The following TRPC4AP variants were observed in gnomAD, a reference collection of about 807,000 sequenced individuals.
TRPC4AP encodes transient receptor potential cation channel subfamily C member 4 associated protein, also known as short transient receptor potential channel 4-associated protein.
A neutral mutation model predicts 99.0 loss-of-function variants in TRPC4AP; 45 were observed. The observed-to-expected ratio is 0.45, with a 90% CI of 0.36 to 0.58. The LOEUF (loss-of-function observed/expected upper bound fraction) is 0.58. Among genes scored for constraint, TRPC4AP ranks in the 20% least tolerant of loss-of-function variants. The probability of loss-of-function intolerance (pLI) is 0.00; values close to 1 mark genes in which losing one functional copy is unlikely to be tolerated. For synonymous variants in TRPC4AP, 408 were observed against 385.8 expected, an observed-to-expected ratio of 1.06 and a Z score of -0.67; for missense variants, 879 against 985.3, an observed-to-expected ratio of 0.89 and a Z score of 1.44.
intron 7 of TRPC4AP, among the ~76,000 whole-genome samples, chr20:35,035,850 G>C (rs1448245145): frequency 6.6e-6 from 1 of 151,942 alleles, no homozygotes; most frequent in Admixed American, 6.6e-5. Context: ...TAAACAATAT[G>C]AATTTAATTT....
intron 8 of TRPC4AP, among the ~76,000 whole-genome samples, chr20:35,022,715 A>G (rs1371299265): frequency 6.6e-6 from 1 of 152,202 alleles, no homozygotes; most frequent in Non-Finnish European, 1.5e-5. Flanking sequence ...TAAAGTATCA[A>G]GACAGAAGAC....
intron 9 of TRPC4AP, among the ~76,000 whole-genome samples, chr20:35,019,354 C>G (rs938141146): frequency 6.6e-6 from 1 of 152,206 alleles, no homozygotes; most frequent in Admixed American, 6.5e-5. Context: ...CAGTTTAACT[C>G]AAGACCGCAA....
intron 1 of TRPC4AP, among the ~76,000 whole-genome samples, chr20:35,078,628 AT>A (rs1219611928): frequency 1.3e-5 from 2 of 152,224 alleles, no homozygotes; most frequent in African/African-American, 4.8e-5. Context: ...ATCCAACTAT[AT>A]CAATAATCAC....
chr20:35,003,109 A>AGTGGGTGAGCCTCCCGAGG lies in TRPC4AP; in HGVS notation c.*36_*37insCCTCGGGAGGCTCACCCAC, dbSNP rs1436472127. On this transcript the variant is annotated 3_prime_UTR_variant, in exon 19 of 19. Coordinates refer to ENST00000252015, the MANE Select transcript of TRPC4AP (RefSeq NM_015638.3). ...TGTGGCATCGTACCCACGCTCACCC[A>AGTGGGTGAGCCTCCCGAGG]CACTGGCCCAGCAGCCTCCCGAGGC... 3 of 1,612,422 alleles carry AGTGGGTGAGCCTCCCGAGG rather than the reference A, an allele frequency of 1.9e-6. No homozygotes were observed. The highest frequency in any genetic ancestry group is 1.3e-5 in the African/African-American group (1 of 74,916).
intron 16 of TRPC4AP, 82 bp downstream of exon 16, chr20:35,005,613 T>C: frequency 1.5e-6 from 2 of 1,356,226 alleles, no homozygotes; most frequent in Admixed American, 3.6e-5. Flanking sequence ...CAGTCATTCT[T>C]GTCTCCCTGC....
At chr20:35,040,106 T>G (rs1405430440) in intron 7 of TRPC4AP, among the ~76,000 whole-genome samples, 3 of 146,672 alleles carry the variant, frequency 2.0e-5, no homozygotes, top group Non-Finnish European at 4.5e-5. Flanking sequence ...CACAAATTCA[T>G]ACGTTGAAGC....
chr20:35,005,887 C>T (rs969579348), intron 15 of TRPC4AP, 84 bp from the exon 16 acceptor site: 1 of 1,188,032 alleles, frequency 8.4e-7, no homozygotes, highest in Non-Finnish European at 1.2e-6. Context: ...CTACAAGGGG[C>T]ATCAGCGACC....
intron 2 of TRPC4AP, among the ~76,000 whole-genome samples, chr20:35,074,496 C>A (rs2084418294): frequency 6.6e-6 from 1 of 152,210 alleles, no homozygotes; most frequent in Non-Finnish European, 1.5e-5. Context: ...TTTCAAAGAA[C>A]ACCTTTATTT....
chr20:35,067,381 T>C (rs953542502), intron 3 of TRPC4AP, among the ~76,000 whole-genome samples: 1 of 152,176 alleles, frequency 6.6e-6, no homozygotes, highest in East Asian at 1.9e-4. Context: ...TTGGCAAGGA[T>C]ACAGAAAAAC....
At chr20:35,079,059 C>G (rs1163563817) in intron 1 of TRPC4AP, among the ~76,000 whole-genome samples, 2 of 152,074 alleles carry the variant, frequency 1.3e-5, no homozygotes, top group African/African-American at 4.8e-5. Context: ...GACCAAAACT[C>G]TGTCTCAAAA....
chr20:35,044,578 G>A lies in TRPC4AP; in HGVS notation c.792C>T (p.His264=). ...GTTGAGCATTTTTGGCAAGAAGCGT[G>A]TGCTTGTCATCATTCCCTGTATCCA... The part of the protein sequence containing the change: ...SEMDTGNDDK[H]TLLAKNAQQK... The change falls in exon 7 of 19, where the codon CAC becomes CAT. Residue 264 remains histidine (H), a synonymous_variant. Transcript: ENST00000252015. The A allele has an allele frequency of 2.5e-6, 4 of 1,614,134 alleles. No homozygotes were observed. Among genetic ancestry groups the A allele is most frequent in the Non-Finnish European group, 3.4e-6 (4 of 1,180,010 alleles).
chr20:35,065,345 T>G (rs911837343), intron 3 of TRPC4AP, among the ~76,000 whole-genome samples: 2 of 152,232 alleles, frequency 1.3e-5, no homozygotes, highest in Admixed American at 6.5e-5. Flanking sequence ...ATTTAATTTA[T>G]GCAGATGAGC....
intron 2 of TRPC4AP, among the ~76,000 whole-genome samples, 192 bp from the exon 3 acceptor site, chr20:35,069,604 C>T (rs902570876): frequency 6.6e-6 from 1 of 152,138 alleles, no homozygotes; most frequent in African/African-American, 2.4e-5. Flanking sequence ...TGGTATGACA[C>T]ACCTCAACTA....
chr20:35,092,530 C>T (rs1600686082), intron 1 of TRPC4AP, 84 bp downstream of exon 1: 2 of 1,377,332 alleles, frequency 1.5e-6, no homozygotes, highest in East Asian at 6.0e-5. Flanking sequence ...CGTCCAGCGG[C>T]GGCCTGGAAA....
chr20:35,009,462 T>G lies in TRPC4AP; in HGVS notation c.1512-715A>C, dbSNP rs564462639. On this transcript the variant is annotated intron_variant, in intron 12 of 18. Coordinates refer to ENST00000252015, the MANE Select transcript of TRPC4AP (RefSeq NM_015638.3). ...TTCGAGACCAGCCTGGGCAACATAG[T>G]GAGACCCCATCTCTACAAAAAAAAA... 1.8e-4 allele frequency among the ~76,000 whole-genome samples: 27 copies of G among 148,618 alleles called. No homozygotes were observed. The East Asian group carries it at 5.5e-3, about 30-fold the overall frequency.
chr20:35,004,183 A>G (rs1205267655), intron 17 of TRPC4AP, among the ~76,000 whole-genome samples: 1 of 152,196 alleles, frequency 6.6e-6, no homozygotes, highest in East Asian at 1.9e-4. Flanking sequence ...TCCAAAGCCC[A>G]GCAGGGCAGA....
At position 35,021,233 on chromosome 20, in the gene TRPC4AP, A is replaced by C; in HGVS notation, c.1175T>G (p.Leu392Arg). ...CATCAGCAGCACGCAGAGGACATAG[A>C]GCACTTCCAGTTTGTACATGATCTC... The part of the protein sequence containing the change: ...MHEIMYKLEV[L>R]YVLCVLLMGR... The change falls in exon 9 of 19, where the codon CTC becomes CGC. Residue 392 changes from leucine (L) to arginine (R), a missense_variant. Physicochemically the swap from Leu to Arg is moderately radical, Grantham distance 102 (BLOSUM62 -2). Transcript: ENST00000252015. The C allele has an allele frequency of 6.2e-7, 1 of 1,614,126 alleles. No individual in the cohort carries two copies. Among genetic ancestry groups the C allele is most frequent in the Non-Finnish European group, 8.5e-7 (1 of 1,180,022 alleles).
chr20:35,084,494 AT>A (rs2084748909), intron 1 of TRPC4AP, among the ~76,000 whole-genome samples: 1 of 56,654 alleles, frequency 1.8e-5, no homozygotes, highest in Non-Finnish European at 4.7e-5. Flanking sequence ...ATATGTATAT[AT>A]CTATATATGT....
chr20:35,032,467 CTTTTTTTTTTT>C, intron 8 of TRPC4AP, among the ~76,000 whole-genome samples: 1 of 95,222 alleles, frequency 1.1e-5, no homozygotes, highest in Admixed American at 1.4e-4. Flanking sequence ...GTTCTTTGAT[CTTTTTTTTTTT>C]TTTTTTTTTT....
Sources: gnomAD v4.1 joint callset for allele counts (sites outside exome capture counted in the v4.1 genomes callset) on GRCh38, gnomAD v4.1.1 for gene constraint, MANE v1.5 for transcripts, NCBI Gene and HGNC (gene_info 2026-07-23, HGNC 2026-07-21) for gene names.